Variants in KIAA1671 observed in about 807,000 individuals in gnomAD.
KIAA1671 encodes uncharacterized protein KIAA1671.
In KIAA1671, 52 loss-of-function variants were observed where a neutral mutation model predicts 131.2. That is an observed-to-expected ratio of 0.40 (90% CI 0.32 to 0.50). The LOEUF (loss-of-function observed/expected upper bound fraction) is 0.50. KIAA1671 is among the 20% of genes least tolerant of loss of function. The pLI, the probability that KIAA1671 is intolerant of heterozygous loss-of-function variation, is 0.73. For synonymous variants in KIAA1671, 1,003 were observed against 961.6 expected, an observed-to-expected ratio of 1.04 and a Z score of -0.80; for missense variants, 2,360 against 2,364.2, an observed-to-expected ratio of 1.00 and a Z score of 0.04.
At chr22:24,990,534 G>T (rs918940946) in intron 1 of KIAA1671, among the ~76,000 whole-genome samples, 1 of 152,200 alleles carries the variant, frequency 6.6e-6, no homozygotes, top group Non-Finnish European at 1.5e-5. Context: ...ACATGTGCCT[G>T]CCCAATGTGC....
intron 6 of KIAA1671, among the ~76,000 whole-genome samples, chr22:25,073,401 ATGT>A (rs35310872): frequency 0.24 from 36,499 of 152,028 alleles, 4,414 homozygotes; most frequent in South Asian, 0.31. Context: ...AAATTTTAAA[ATGT>A]TGTATACATT....
chr22:24,998,032 G>T (rs1255509762), intron 1 of KIAA1671, among the ~76,000 whole-genome samples: 2 of 152,116 alleles, frequency 1.3e-5, no homozygotes, highest in Non-Finnish European at 2.9e-5. Context: ...TTTTCTTCTT[G>T]TTGCAGTACA....
intron 6 of KIAA1671, among the ~76,000 whole-genome samples, chr22:25,096,696 G>T (rs918774097): frequency 7.9e-5 from 12 of 152,096 alleles, no homozygotes; most frequent in African/African-American, 2.9e-4. Flanking sequence ...GTGTATTCCC[G>T]TGGAACCGTC....
At chr22:25,168,711 T>C (rs1157273972) in intron 6 of KIAA1671, among the ~76,000 whole-genome samples, 2 of 150,216 alleles carry the variant, frequency 1.3e-5, no homozygotes, top group African/African-American at 4.9e-5. Flanking sequence ...AAAAAAAGTT[T>C]AGGGAGGAGA....
rs1305215270 is a variant in KIAA1671 at position 25,056,312 on chromosome 22, G to A, written c.4530+6948G>A. 2 of 138,520 alleles carry A rather than the reference G, an allele frequency of 1.4e-5. 1 individual carries two copies. The highest frequency in any genetic ancestry group is 4.9e-5 in the African/African-American group (2 of 40,504). The allele number at this position is 138,520 out of a possible 1,614,324, so 8.6% of individuals were successfully genotyped here. ...TATAACTTTGATGAAGTTTGATGAC[G>A]CCCAACTTTTTCTTTTGTTGCCTGG... is the stretch of plus-strand genomic sequence containing the variant. On this transcript the variant is annotated intron_variant, in intron 6 of 12. Transcript: ENST00000358431.
Position 25,069,152 on chromosome 22 carries a change from C to T in KIAA1671, c.4530+19788C>T, listed in dbSNP as rs375768376. ...CTTTTGACCCTGTGAGTTTTGGTTTCCTCATCTGGACAGTAGAAGTGATGA... is the reference window on the plus strand; with the variant it reads ...CTTTTGACCCTGTGAGTTTTGGTTTTCTCATCTGGACAGTAGAAGTGATGA... On this transcript the variant is annotated intron_variant, in intron 6 of 12. Coordinates refer to ENST00000358431, the MANE Select transcript of KIAA1671 (RefSeq NM_001145206.2). Among the ~76,000 whole-genome samples, 6 of 152,084 alleles carry T rather than the reference C, an allele frequency of 3.9e-5. No individual in the cohort carries two copies. In the East Asian group the frequency reaches 1.2e-3, roughly 29 times the overall value.
At chr22:25,123,026 G>C (rs996194110) in intron 6 of KIAA1671, among the ~76,000 whole-genome samples, 14 of 151,976 alleles carry the variant, frequency 9.2e-5, no homozygotes, top group African/African-American at 3.4e-4. Flanking sequence ...TATCTGATCA[G>C]AGCTTAATAG....
intron 8 of KIAA1671, 54 bp downstream of exon 8, chr22:25,174,543 T>G: frequency 6.8e-7 from 1 of 1,468,972 alleles, no homozygotes; most frequent in South Asian, 1.4e-5. Flanking sequence ...AGCCTCTCTC[T>G]GTGAATTGCC....
At position 25,069,261 on chromosome 22, in the gene KIAA1671, A is replaced by G. The variant is rs118055158; in HGVS notation, c.4530+19897A>G. The stretch of plus-strand genomic sequence containing the variant: ...TTGTTGAATCCTCAAAGCCCTGAAC[A>G]CAGGGATAATTTGTCGCATTTTACA... On this transcript the variant is annotated intron_variant, in intron 6 of 12. Transcript: ENST00000358431. Among the ~76,000 whole-genome samples the G allele has an allele frequency of 4.8e-3, 724 of 152,292 alleles. 11 individuals are homozygous for G. The highest frequency in any genetic ancestry group is 0.043 in the South Asian group (207 of 4,824).
At chr22:25,083,891 T>C in intron 6 of KIAA1671, among the ~76,000 whole-genome samples, 1 of 152,178 alleles carries the variant, frequency 6.6e-6, no homozygotes, top group East Asian at 1.9e-4. Flanking sequence ...GGGGAGTGCC[T>C]GGGGCCACCC....
intron 6 of KIAA1671, among the ~76,000 whole-genome samples, chr22:25,119,383 T>C (rs1428392181): frequency 6.6e-6 from 1 of 152,174 alleles, no homozygotes; most frequent in African/African-American, 2.4e-5. Flanking sequence ...GGCCTGGAGT[T>C]CTTTCCCTGT....
At chr22:24,972,285 G>C (rs979224613) in intron 1 of KIAA1671, among the ~76,000 whole-genome samples, 2 of 152,198 alleles carry the variant, frequency 1.3e-5, no homozygotes, top group African/African-American at 4.8e-5. Context: ...TCACTGCTCA[G>C]AAAACAGTGC....
intron 6 of KIAA1671, among the ~76,000 whole-genome samples, chr22:25,164,948 G>GAA (rs71322730): frequency 2.1e-4 from 19 of 89,686 alleles, no homozygotes; most frequent in East Asian, 5.7e-4. Context: ...ACTGTCTCGG[G>GAA]AAAAAAAAAA....
intron 1 of KIAA1671, among the ~76,000 whole-genome samples, chr22:24,997,711 G>A (rs1924213365): frequency 6.6e-6 from 1 of 151,978 alleles, no homozygotes. Flanking sequence ...CGAAGTTTGG[G>A]GTTTGCCTCC....
intron 1 of KIAA1671, among the ~76,000 whole-genome samples, chr22:25,004,356 G>A (rs1227763254): frequency 6.6e-6 from 1 of 151,844 alleles, no homozygotes; most frequent in Non-Finnish European, 1.5e-5. Context: ...CCTCAAGTGA[G>A]GCCTTGGCCT....
chr22:25,179,107 C>T (rs1049960293), intron 9 of KIAA1671, among the ~76,000 whole-genome samples: 7 of 152,188 alleles, frequency 4.6e-5, no homozygotes. Flanking sequence ...CGTCTCACGC[C>T]CGGCGGCTCC....
chr22:25,107,789 T>C (rs1931097602), intron 6 of KIAA1671, among the ~76,000 whole-genome samples: 1 of 151,910 alleles, frequency 6.6e-6, no homozygotes, highest in Non-Finnish European at 1.5e-5. Context: ...GGTGGGCGGA[T>C]CACTGGTCAG....
intron 11 of KIAA1671, among the ~76,000 whole-genome samples, chr22:25,189,330 AC>A (rs1379367806): frequency 2.0e-5 from 3 of 148,418 alleles, no homozygotes; most frequent in African/African-American, 5.0e-5. Context: ...CCACCACCAC[AC>A]CCGGCTAATT....
intron 1 of KIAA1671, among the ~76,000 whole-genome samples, chr22:25,004,747 C>A (rs571543121): frequency 6.6e-6 from 1 of 151,810 alleles, no homozygotes; most frequent in African/African-American, 2.4e-5. Flanking sequence ...GAGTTCGAGA[C>A]CATCCTGGCT....
Sources: gnomAD v4.1 joint callset for allele counts (sites outside exome capture counted in the v4.1 genomes callset) on GRCh38, gnomAD v4.1.1 for gene constraint, MANE v1.5 for transcripts, NCBI Gene and HGNC (gene_info 2026-07-23, HGNC 2026-07-21) for gene names.